The following ARHGAP22 variants were observed in gnomAD, a reference collection of about 807,000 sequenced individuals.
ARHGAP22 encodes rho GTPase-activating protein 22.
ARHGAP22 carries 48 observed loss-of-function variants against 59.1 expected under a neutral mutation model. That is an observed-to-expected ratio of 0.81 (90% CI 0.64 to 1.03). The LOEUF (loss-of-function observed/expected upper bound fraction) is 1.03. ARHGAP22 is among the 50% of genes least tolerant of loss of function. The pLI, the probability that ARHGAP22 is intolerant of heterozygous loss-of-function variation, is 0.00. For missense variants in ARHGAP22, 1,015 were observed against 958.7 expected, an observed-to-expected ratio of 1.06 and a Z score of -0.78; for synonymous variants, 445 against 416.4, an observed-to-expected ratio of 1.07 and a Z score of -0.84.
At chr10:48,654,794 C>CT (rs1392187671), upstream of ARHGAP22, among the ~76,000 whole-genome samples, 1 of 120,920 alleles carries the variant, frequency 8.3e-6, no homozygotes, top group Non-Finnish European at 1.8e-5. Flanking sequence ...TTCTTTCTTT[C>CT]TTTCTTTCTT....
At position 48,592,792 on chromosome 10, in the gene ARHGAP22, C is replaced by A. The variant is rs552057575; in HGVS notation, c.35-9640G>T. 5.9e-5 allele frequency among the ~76,000 whole-genome samples: 9 copies of A among 152,346 alleles called. No individual in the cohort carries two copies. The South Asian group carries it at 1.9e-3, about 32-fold the overall frequency. On this transcript the variant is annotated intron_variant, in intron 1 of 9. Transcript: ENST00000249601. ...GTTCCCCCATCTCAGCCAGTGGATA[C>A]CCCATCCTCAGATATTCCCTGCTCC... is the stretch of plus-strand genomic sequence containing the variant.
At chr10:48,479,348 G>A (rs1211916427) in intron 4 of ARHGAP22, 1 of 515,888 alleles carries the variant, frequency 1.9e-6, no homozygotes, top group East Asian at 3.5e-5. Flanking sequence ...TGGAGATGAG[G>A]GAAGGCGGAG....
intron 1 of ARHGAP22, among the ~76,000 whole-genome samples, chr10:48,594,426 G>T (rs1455960877): frequency 6.6e-6 from 1 of 152,190 alleles, no homozygotes; most frequent in Non-Finnish European, 1.5e-5. Flanking sequence ...GATCACTCAT[G>T]GGCCGAGCCC....
chr10:48,516,490 T>C (rs1474477501), intron 3 of ARHGAP22, among the ~76,000 whole-genome samples: 1 of 152,080 alleles, frequency 6.6e-6, no homozygotes, highest in African/African-American at 2.4e-5. Flanking sequence ...ATTGTACCAC[T>C]GGACTCCAGC....
chr10:48,512,576 T>C (rs2052889243), intron 3 of ARHGAP22, among the ~76,000 whole-genome samples: 2 of 152,256 alleles, frequency 1.3e-5, no homozygotes, highest in South Asian at 4.1e-4. Flanking sequence ...CATTTCCATT[T>C]TGGGACATTT....
intron 3 of ARHGAP22, chr10:48,524,043 C>G (rs1383285740): frequency 1.4e-6 from 2 of 1,475,996 alleles, no homozygotes; most frequent in East Asian, 2.9e-5. Context: ...CACGTGCGCG[C>G]CGGAGTTACC....
intron 3 of ARHGAP22, among the ~76,000 whole-genome samples, chr10:48,496,521 G>A (rs12249815): frequency 0.26 from 40,226 of 151,952 alleles, 5,455 homozygotes; most frequent in South Asian, 0.36. Flanking sequence ...GGTAAGAACT[G>A]GAAGAGCAAG....
At chr10:48,649,897 G>A (rs1042507647) in intron 1 of ARHGAP22, among the ~76,000 whole-genome samples, 12 of 152,084 alleles carry the variant, frequency 7.9e-5, no homozygotes, top group Admixed American at 2.6e-4. Context: ...GAACGCATAA[G>A]GACCTTTCAT....
At position 48,450,889 on chromosome 10, in the gene ARHGAP22, TC is replaced by T; in HGVS notation, c.1239del (p.Ser414AlafsTer49). The T allele has an allele frequency of 6.3e-7, 1 of 1,587,498 alleles. No homozygotes were observed. The highest frequency in any genetic ancestry group is 8.6e-7 in the Non-Finnish European group (1 of 1,168,436). ...VLSRTAPTGP[G>X]SRCSPGKKVQ... ...ACCTTCTTCCCAGGGCTGCACCGGCTCCCCGGCCCCGTGGGGGCTGTTCTGG... is the reference window on the plus strand; with the variant it reads ...ACCTTCTTCCCAGGGCTGCACCGGCTCCCGGCCCCGTGGGGGCTGTTCTGG... On this transcript the variant is annotated frameshift_variant, in exon 9 of 10. Coordinates refer to ENST00000249601, the MANE Select transcript of ARHGAP22 (RefSeq NM_021226.4). LOFTEE classifies it high-confidence loss of function.
chr10:48,620,825 A>G (rs2061259884), intron 1 of ARHGAP22, among the ~76,000 whole-genome samples: 1 of 151,600 alleles, frequency 6.6e-6, no homozygotes, highest in East Asian at 1.9e-4. Context: ...TAATTTCAAC[A>G]TCCATGACAA....
chr10:48,571,176 AGTC>A (rs1281719320), intron 2 of ARHGAP22, among the ~76,000 whole-genome samples: 1 of 152,182 alleles, frequency 6.6e-6, no homozygotes, highest in Non-Finnish European at 1.5e-5. Context: ...ATCTACTAAT[AGTC>A]TGGCCTCTAC....
chr10:48,611,253 T>C (rs2060871879), intron 1 of ARHGAP22, among the ~76,000 whole-genome samples: 1 of 152,192 alleles, frequency 6.6e-6, no homozygotes, highest in African/African-American at 2.4e-5. Context: ...GGAGGGACCC[T>C]AGCTTACCAG....
rs2053858304 is a variant in ARHGAP22, at chr10:48,522,106, C to G, written c.322+33357G>C. 1.3e-5 allele frequency among the ~76,000 whole-genome samples: 2 copies of G among 152,256 alleles called. 1 individual carries two copies. Among genetic ancestry groups the G allele is most frequent in the Non-Finnish European group, 2.9e-5 (2 of 68,042 alleles). On this transcript the variant is annotated intron_variant, in intron 3 of 9. Coordinates refer to ENST00000249601, the MANE Select transcript of ARHGAP22 (RefSeq NM_021226.4). ...TTGGAGACTTTGTACACTAAGACAT[C>G]AAACATCTGTCTTCCTTGAACCTCA...
intron 3 of ARHGAP22, among the ~76,000 whole-genome samples, chr10:48,512,278 A>G (rs1279193961): frequency 6.6e-6 from 1 of 152,236 alleles, no homozygotes; most frequent in Non-Finnish European, 1.5e-5. Flanking sequence ...ATTAACATGA[A>G]ACAGATACAA....
chr10:48,497,404 C>CT (rs1469563609), intron 3 of ARHGAP22, among the ~76,000 whole-genome samples: 1 of 152,190 alleles, frequency 6.6e-6, no homozygotes, highest in African/African-American at 2.4e-5. Context: ...TAGGAGGAGG[C>CT]TGATGACTCA....
At chr10:48,554,586 CT>C (rs2057155979) in intron 3 of ARHGAP22, among the ~76,000 whole-genome samples, 1 of 151,508 alleles carries the variant, frequency 6.6e-6, no homozygotes, top group Non-Finnish European at 1.5e-5. Context: ...AAGGCTGTCT[CT>C]GTCTGCAGAG....
At chr10:48,548,302 C>G (rs2056622739) in intron 3 of ARHGAP22, among the ~76,000 whole-genome samples, 2 of 152,180 alleles carry the variant, frequency 1.3e-5, no homozygotes, top group African/African-American at 2.4e-5. Flanking sequence ...CCAGAGCTGG[C>G]TTCTGCAACC....
chr10:48,643,764 A>AAATATAT (rs887902062), intron 1 of ARHGAP22, among the ~76,000 whole-genome samples: 7 of 144,272 alleles, frequency 4.9e-5, no homozygotes, highest in African/African-American at 1.6e-4. Flanking sequence ...AAAAAAAAAA[A>AAATATAT]ATATATATAT....
chr10:48,486,144 T>C (rs183477066), intron 3 of ARHGAP22, among the ~76,000 whole-genome samples: 2 of 152,214 alleles, frequency 1.3e-5, no homozygotes, highest in Admixed American at 6.5e-5. Flanking sequence ...GGGTTTATGG[T>C]ATACATCTTT....
Sources: allele counts gnomAD v4.1 joint callset (sites outside exome capture counted in the v4.1 genomes callset), GRCh38; gene constraint gnomAD v4.1.1; transcripts MANE v1.5; gene names NCBI Gene and HGNC (gene_info 2026-07-23, HGNC 2026-07-21).